FBXL2: variants seen among roughly 807,000 people sequenced by gnomAD.
FBXL2 encodes F-box and leucine rich repeat protein 2.
Under a neutral mutation model 69.2 loss-of-function variants are expected in FBXL2, and 38 were observed. The observed-to-expected ratio is 0.55, with a 90% confidence interval of 0.42 to 0.72. The LOEUF is 0.72. Ranked by LOEUF, FBXL2 falls within the 30% of genes least tolerant of loss-of-function variation. The probability of loss-of-function intolerance (pLI) is 0.00; values close to 1 mark genes in which losing one functional copy is unlikely to be tolerated. For missense variants in FBXL2, 354 were observed against 520.3 expected (o/e 0.68, Z 3.11); for synonymous variants, 192 against 201.3 (o/e 0.95, Z 0.39).
At chr3:33,377,462 T>C in intron 11 of FBXL2, 129 bp downstream of exon 11, 1 of 847,990 alleles carries the variant, frequency 1.2e-6, no homozygotes, top group Non-Finnish European at 1.9e-6. Context: ...AGTAGAACCC[T>C]TGGGGTGTGT....
At chr3:33,385,425 G>A in intron 14 of FBXL2, 76 bp from the exon 15 acceptor site, 4 of 1,287,462 alleles carry the variant, frequency 3.1e-6, no homozygotes, top group South Asian at 1.2e-5. Flanking sequence ...GAGGACTATA[G>A]GTTTTTCTAG....
chr3:33,355,756 A>G (rs1317780773), intron 2 of FBXL2, among the ~76,000 whole-genome samples: 1 of 152,212 alleles, frequency 6.6e-6, no homozygotes, highest in African/African-American at 2.4e-5. Flanking sequence ...CACATTTGAG[A>G]TAAGGAAGCA....
intron 2 of FBXL2, among the ~76,000 whole-genome samples, chr3:33,329,596 A>G (rs752635675): frequency 1.3e-4 from 20 of 152,058 alleles, no homozygotes; most frequent in Non-Finnish European, 2.5e-4. Flanking sequence ...TAAAAAATTG[A>G]AATCCTGTCG....
chr3:33,368,400 A>G (rs2042086413), intron 5 of FBXL2, among the ~76,000 whole-genome samples: 1 of 152,190 alleles, frequency 6.6e-6, no homozygotes, highest in African/African-American at 2.4e-5. Flanking sequence ...ATAAACATTT[A>G]GAATTGCTAT....
intron 2 of FBXL2, among the ~76,000 whole-genome samples, chr3:33,345,532 C>T (rs1389898363): frequency 2.0e-5 from 3 of 152,216 alleles, no homozygotes. Context: ...GAAGAATATA[C>T]AGTAACATCA....
At chr3:33,317,349 T>G in intron 2 of FBXL2, 1 of 404,262 alleles carries the variant, frequency 2.5e-6, no homozygotes, top group South Asian at 1.9e-5. Flanking sequence ...CAAATCCCAT[T>G]CATTCACTGC....
At chr3:33,350,430 A>G (rs1295198953) in intron 2 of FBXL2, among the ~76,000 whole-genome samples, 1 of 138,414 alleles carries the variant, frequency 7.2e-6, no homozygotes, top group Non-Finnish European at 1.5e-5. Flanking sequence ...AGCTAACATC[A>G]TAATTTTTTT....
chr3:33,375,388 C>A lies in FBXL2; in HGVS notation c.758C>A (p.Thr253Lys). ...GCSNLTDASL[T>K]ALGLNCPRLQ... ...AGCAACCTCACAGATGCCTCTCTTA[C>A]AGCCCTGGGTTTGAACTGTCCGCGA... Residue 253 changes from threonine (T) to lysine (K), a missense_variant, in exon 10 of 15, where the codon ACA (threonine) becomes AAA (lysine). Transcript: ENST00000484457. 6.2e-7 allele frequency: 1 copy of A among 1,614,206 alleles called. No individual in the cohort carries two copies. Among genetic ancestry groups the A allele is most frequent in the Non-Finnish European group, 8.5e-7 (1 of 1,180,030 alleles).
At chr3:33,349,054 C>T (rs750115803) in intron 2 of FBXL2, among the ~76,000 whole-genome samples, 1 of 152,170 alleles carries the variant, frequency 6.6e-6, no homozygotes, top group Non-Finnish European at 1.5e-5. Flanking sequence ...ATCATATCAT[C>T]ATCAAACAAG....
chr3:33,421,294 T>C, the FBXL2 span, among the ~76,000 whole-genome samples: 3 of 140,850 alleles, frequency 2.1e-5, no homozygotes, highest in African/African-American at 7.8e-5. Flanking sequence ...TTGCTTTTTT[T>C]CTTGCAGGGG....
At chr3:33,384,444 C>T (rs899731383) in intron 14 of FBXL2, among the ~76,000 whole-genome samples, 3 of 152,180 alleles carry the variant, frequency 2.0e-5, no homozygotes, top group Non-Finnish European at 4.4e-5. Flanking sequence ...ACCTGTAATC[C>T]CAGCTACTCG....
intron 2 of FBXL2, among the ~76,000 whole-genome samples, chr3:33,299,021 T>TA (rs1336100708): frequency 3.0e-4 from 44 of 146,788 alleles, no homozygotes; most frequent in African/African-American, 1.1e-3. Context: ...CCTTTTATTT[T>TA]TTTAATTTTA....
At chr3:33,320,254 A>G (rs2038076648) in intron 2 of FBXL2, among the ~76,000 whole-genome samples, 1 of 152,240 alleles carries the variant, frequency 6.6e-6, no homozygotes, top group South Asian at 2.1e-4. Context: ...GGCATGGAAT[A>G]GAGAACCAGA....
At chr3:33,393,910 G>GAC (rs1403691271) in intron 12 of FBXL2, among the ~76,000 whole-genome samples, 1 of 152,072 alleles carries the variant, frequency 6.6e-6, no homozygotes, top group East Asian at 1.9e-4. Context: ...ACAATGGGAG[G>GAC]ACTTTATGGT....
At chr3:33,280,626 TC>T (rs1010515946) in intron 1 of FBXL2, among the ~76,000 whole-genome samples, 1 of 145,450 alleles carries the variant, frequency 6.9e-6, no homozygotes, top group Non-Finnish European at 1.5e-5. Flanking sequence ...GAAGGATCGA[TC>T]CCTTGAGTCC....
At chr3:33,373,553 A>ATC in intron 7 of FBXL2, 25 bp from the exon 8 acceptor site, 1 of 1,614,018 alleles carries the variant, frequency 6.2e-7, no homozygotes, top group Non-Finnish European at 8.5e-7. Flanking sequence ...GACTGCACAT[A>ATC]AGTTTTTGTT....
chr3:33,291,150 C>T (rs966267162), intron 1 of FBXL2, among the ~76,000 whole-genome samples: 10 of 152,128 alleles, frequency 6.6e-5, no homozygotes, highest in African/African-American at 2.4e-4. Context: ...AGGCTGGTCT[C>T]AAACTCCTGA....
At chr3:33,379,771 A>G (rs1026126648) in intron 13 of FBXL2, among the ~76,000 whole-genome samples, 3 of 152,180 alleles carry the variant, frequency 2.0e-5, no homozygotes, top group African/African-American at 7.2e-5. Flanking sequence ...ATTAGCAAAT[A>G]GAATGTAGCA....
rs190521135 is a variant in FBXL2, at chr3:33,322,563, A to G, written c.65+24838A>G. Among the ~76,000 whole-genome samples, 928 of 152,332 alleles carry G rather than the reference A, an allele frequency of 6.1e-3. 6 individuals carry two copies. The highest frequency in any genetic ancestry group is 0.02 in the African/African-American group (848 of 41,584). Reference sequence around the variant, plus strand: ...TGAAAAAAAAAGTTGTGGAAGACATATACAGCATGTACCATTTTTATAAAG... The same window carrying G: ...TGAAAAAAAAAGTTGTGGAAGACATGTACAGCATGTACCATTTTTATAAAG... On this transcript the variant is annotated intron_variant, in intron 2 of 14. Coordinates refer to ENST00000484457, the MANE Select transcript of FBXL2 (RefSeq NM_012157.5).
Sources: gnomAD v4.1 joint callset for allele counts (sites outside exome capture counted in the v4.1 genomes callset) on GRCh38, gnomAD v4.1.1 for gene constraint, MANE v1.5 for transcripts, NCBI Gene and HGNC (gene_info 2026-07-23, HGNC 2026-07-21) for gene names.